Variants in NKIRAS1 observed in about 807,000 individuals in gnomAD.
NKIRAS1 encodes the protein NF-kappa-B inhibitor-interacting Ras-like protein 1.
Under a neutral mutation model 19.8 loss-of-function variants are expected in NKIRAS1, and 16 were observed. That is an observed-to-expected ratio of 0.81 (90% CI 0.55 to 1.23). NKIRAS1 has a LOEUF of 1.23. Among genes scored for constraint, NKIRAS1 ranks in the 50% most tolerant of loss-of-function variants. The pLI is 0.00. For missense variants in NKIRAS1, 184 were observed against 220.0 expected, an observed-to-expected ratio of 0.84 and a Z score of 1.04; for synonymous variants, 88 against 79.0, an observed-to-expected ratio of 1.11 and a Z score of -0.61.
intron 1 of NKIRAS1, among the ~76,000 whole-genome samples, chr3:23,941,244 C>G (rs531611502): frequency 6.6e-6 from 1 of 152,268 alleles, no homozygotes; most frequent in East Asian, 1.9e-4. Flanking sequence ...CCTAATGCCC[C>G]TCCTTCATCT....
Position 23,890,511 on chromosome 3 carries a change from G to A in NKIRAS1, c.*2584C>T. On this transcript the variant is annotated 3_prime_UTR_variant, in exon 5 of 5. Coordinates refer to ENST00000425478, the MANE Select transcript of NKIRAS1 (RefSeq NM_020345.4). ...TAATCTACATTCTTTTCTTCCAGCC[G>A]ACCCCTTGGTGGGAAGTATTGCCAC... 1 of 1,608,686 alleles carries A rather than the reference G, an allele frequency of 6.2e-7. No homozygotes were observed.
rs1444656797 is a variant in NKIRAS1, at chr3:23,893,325, C to T, written c.349G>A (p.Val117Ile). 6.2e-7 allele frequency: 1 copy of T among 1,613,194 alleles called. No individual in the cohort carries two copies. The highest frequency in any genetic ancestry group is 8.5e-7 in the Non-Finnish European group (1 of 1,179,610). Residue 117 changes from valine to isoleucine, a missense_variant, in exon 5 of 5, where the codon GTA (valine) becomes ATA (isoleucine). By Grantham distance (29) the Val-to-Ile change is conservative (BLOSUM62 3). Transcript: ENST00000425478. Reference sequence around the variant, plus strand: ...GAAAGGTCGATTTTGTTTCCTAATACCACAATTGCTACCTGAAAGAAAACG... The same window carrying T: ...GAAAGGTCGATTTTGTTTCCTAATATCACAATTGCTACCTGAAAGAAAACG... ...FKDKKEVAIV[V>I]LGNKIDLSEQ... is the part of the protein sequence containing the mutation.
In NKIRAS1 at chr3:23,892,929, C is replaced by A; in HGVS notation, c.*166G>T. On this transcript the variant is annotated 3_prime_UTR_variant, in exon 5 of 5. Transcript: ENST00000425478. ...CATATCAGGCAATAATAACCTTAGC[C>A]CAAATACTTTTAACATCTAAAGTGC... is the stretch of plus-strand genomic sequence containing the variant. 1.9e-6 allele frequency: 1 copy of A among 534,688 alleles called. No individual in the cohort carries two copies. Among genetic ancestry groups the A allele is most frequent in the Non-Finnish European group, 3.1e-6 (1 of 326,010 alleles). 33.1% of individuals were successfully genotyped at this position (534,688 alleles called of 1,614,324 possible). A position where few individuals can be genotyped will look rare whatever the true frequency, so the allele number is the denominator to read the frequency against.
chr3:23,945,307 G>C (rs1039485472), intron 1 of NKIRAS1: 4 of 156,984 alleles, frequency 2.5e-5, no homozygotes, highest in African/African-American at 7.2e-5. Context: ...TCGCCGCCGC[G>C]GTGCGCTGGC....
chr3:23,931,736 G>GAGAA (rs1328137249), intron 1 of NKIRAS1, among the ~76,000 whole-genome samples: 4 of 49,542 alleles, frequency 8.1e-5, no homozygotes, highest in South Asian at 5.8e-4. Flanking sequence ...GAGAGAGAGA[G>GAGAA]AAAGAAAGGT....
intron 3 of NKIRAS1, among the ~76,000 whole-genome samples, chr3:23,903,995 T>C (rs923968780): frequency 6.6e-6 from 1 of 152,058 alleles, no homozygotes; most frequent in African/African-American, 2.4e-5. Flanking sequence ...TGAAACCCCA[T>C]CTCTACTAAA....
intron 1 of NKIRAS1, chr3:23,945,160 C>CCGGGTAGG (rs1326557499): frequency 5.9e-5 from 8 of 136,552 alleles, no homozygotes; most frequent in Admixed American, 5.8e-4. Context: ...AAAAGGGTAG[C>CCGGGTAGG]CGGGGAGCCG....
intron 1 of NKIRAS1, among the ~76,000 whole-genome samples, chr3:23,943,392 C>A (rs1236339239): frequency 2.6e-5 from 4 of 152,174 alleles, no homozygotes; most frequent in Admixed American, 2.0e-4. Flanking sequence ...GCCACCACCC[C>A]GGCTAATTTT....
chr3:23,946,128 C>G (rs969791768), intron 1 of NKIRAS1: 6 of 984,976 alleles, frequency 6.1e-6, no homozygotes, highest in Non-Finnish European at 7.2e-6. Context: ...ATTCCCTCCT[C>G]CCCCGCGGGG....
intron 3 of NKIRAS1, among the ~76,000 whole-genome samples, chr3:23,908,727 T>C (rs565090965): frequency 6.6e-6 from 1 of 152,320 alleles, no homozygotes; most frequent in East Asian, 1.9e-4. Context: ...TGGAACATAC[T>C]GGTGTGATCA....
At chr3:23,940,107 G>A (rs1464235965) in intron 1 of NKIRAS1, among the ~76,000 whole-genome samples, 1 of 147,618 alleles carries the variant, frequency 6.8e-6, no homozygotes, top group African/African-American at 2.5e-5. Flanking sequence ...GAGGTGGGAG[G>A]ACTGCTTGAG....
chr3:23,920,644 C>T (rs117552532), upstream of NKIRAS1: 564 of 984,834 alleles, frequency 5.7e-4, 10 homozygotes, highest in East Asian at 0.039. Flanking sequence ...TTTAAATGCT[C>T]GTTCTGAACC....
In NKIRAS1 at chr3:23,926,586, TG is replaced by T. The variant is rs1169202126; in HGVS notation, c.-139-15137del. Among the ~76,000 whole-genome samples, 1 of 152,168 alleles carries T rather than the reference TG, an allele frequency of 6.6e-6. No individual in the cohort carries two copies. The highest frequency in any genetic ancestry group is 1.5e-5 in the Non-Finnish European group (1 of 68,030). On this transcript the variant is annotated intron_variant, in intron 1 of 4. Coordinates refer to the NKIRAS1 transcript ENST00000421515. This position sits in a 1 kb window ranked among gnomAD's most constrained non-coding sequence, Gnocchi z 4.3. Reference sequence around the variant, plus strand: ...TCTAGTTTTACCGTAAAAAGTTTGATGTATAGATTTCATATGAGAATAGTAT... The same window carrying T: ...TCTAGTTTTACCGTAAAAAGTTTGATTATAGATTTCATATGAGAATAGTAT...
At chr3:23,921,800 C>G, upstream of NKIRAS1, 1 of 570,250 alleles carries the variant, frequency 1.8e-6, no homozygotes. Context: ...GTCTCGAACT[C>G]CTGACCTCAA....
At chr3:23,919,683 T>G (rs1310690923), upstream of NKIRAS1, 13 of 1,391,556 alleles carry the variant, frequency 9.3e-6, no homozygotes, top group Non-Finnish European at 4.6e-6. Context: ...TTGTTTCTAA[T>G]AAGATAAACT....
intron 3 of NKIRAS1, among the ~76,000 whole-genome samples, chr3:23,904,996 A>AT (rs928349130): frequency 3.4e-5 from 5 of 148,272 alleles, no homozygotes; most frequent in South Asian, 2.1e-4. Context: ...TGAATCTTTT[A>AT]TTTTTTTTTC....
chr3:23,893,373 C>A, intron 4 of NKIRAS1, 36 bp from the exon 5 acceptor site: 1 of 1,573,872 alleles, frequency 6.4e-7, no homozygotes. Flanking sequence ...CATACTAGTA[C>A]TTTGCCAACA....
upstream of NKIRAS1, chr3:23,919,433 A>T (rs1198671007): frequency 1.9e-6 from 3 of 1,604,826 alleles, no homozygotes; most frequent in South Asian, 3.3e-5. Context: ...GTTCCACCAC[A>T]CTATTGGTGG....
At chr3:23,895,788 T>C (rs1289093134) in intron 4 of NKIRAS1, among the ~76,000 whole-genome samples, 1 of 152,076 alleles carries the variant, frequency 6.6e-6, no homozygotes, top group African/African-American at 2.4e-5. Flanking sequence ...TCCTCTTCCT[T>C]CCCCACTTTC....
Sources: allele counts gnomAD v4.1 joint callset (sites outside exome capture counted in the v4.1 genomes callset), GRCh38; gene constraint gnomAD v4.1.1; non-coding constraint Gnocchi (gnomAD v3.1); transcripts MANE v1.5; gene names NCBI Gene and HGNC (gene_info 2026-07-23, HGNC 2026-07-21).